Variants in PATJ observed in about 807,000 individuals in gnomAD.
PATJ encodes the protein PATJ crumbs cell polarity complex component.
Under a neutral mutation model 224.9 loss-of-function variants are expected in PATJ, and 190 were observed. The observed-to-expected ratio is 0.84, with a 90% CI of 0.75 to 0.95. The LOEUF (loss-of-function observed/expected upper bound fraction) is 0.95, where lower values mean the gene tolerates loss of function less well. Among genes scored for constraint, PATJ ranks in the 40% least tolerant of loss-of-function variants. PATJ has a pLI of 0.00. For missense variants in PATJ, 2,121 were observed against 2,270.3 expected, an observed-to-expected ratio of 0.93 and a Z score of 1.34; for synonymous variants, 769 against 820.3, an observed-to-expected ratio of 0.94 and a Z score of 1.07.
chr1:61,747,150 C>T (rs12408292), intron 1 of PATJ, among the ~76,000 whole-genome samples: 57,417 of 151,966 alleles, frequency 0.38, 11,212 homozygotes, highest in South Asian at 0.5. Flanking sequence ...TTTTGAGAAA[C>T]GGGACCAATC....
chr1:61,839,373 A>C (rs1660721624), intron 17 of PATJ, among the ~76,000 whole-genome samples: 1 of 152,110 alleles, frequency 6.6e-6, no homozygotes, highest in South Asian at 2.1e-4. Context: ...TAGTGTGCTC[A>C]TATGCATTGT....
intron 43 of PATJ, among the ~76,000 whole-genome samples, chr1:62,159,783 A>G (rs1374545229): frequency 4.0e-5 from 6 of 151,794 alleles, no homozygotes; most frequent in African/African-American, 1.5e-4. Context: ...AGCTCAAGCA[A>G]TCCTCTCGCC....
chr1:62,136,319 G>T (rs562985724), intron 41 of PATJ, among the ~76,000 whole-genome samples: 3 of 151,746 alleles, frequency 2.0e-5, no homozygotes, highest in Non-Finnish European at 4.4e-5. Context: ...GGTGTGAGCC[G>T]CCACGCCCAG....
In PATJ at chr1:61,809,457, G is replaced by A. The variant is rs567242953; in HGVS notation, c.1683+927G>A. 3.2e-4 allele frequency among the ~76,000 whole-genome samples: 47 copies of A among 144,734 alleles called. 1 individual carries two copies. The highest frequency in any genetic ancestry group is 1.2e-3 in the African/African-American group (45 of 38,988). The allele number at this position is 144,734 out of a possible 152,430, so 95.0% of individuals were successfully genotyped here. On this transcript the variant is annotated intron_variant, in intron 14 of 43. Transcript: ENST00000642238. Reference sequence around the variant, plus strand: ...GGCTGGAGTGCAGTGGCACAATCTTGGCTCACCGCAACCTCTGCCTCCCGG... The same window carrying A: ...GGCTGGAGTGCAGTGGCACAATCTTAGCTCACCGCAACCTCTGCCTCCCGG...
intron 41 of PATJ, among the ~76,000 whole-genome samples, chr1:62,145,971 C>T (rs200694423): frequency 6.6e-6 from 1 of 151,770 alleles, no homozygotes; most frequent in African/African-American, 2.4e-5. Flanking sequence ...AATAAATAAA[C>T]AAATAAATAA....
intron 28 of PATJ, chr1:62,013,451 C>T (rs1427747004): frequency 4.1e-6 from 4 of 985,250 alleles, no homozygotes; most frequent in Non-Finnish European, 4.8e-6. Context: ...GGCCACTATG[C>T]ACAAGCTATG....
At chr1:62,145,641 C>T (rs1441985865) in intron 41 of PATJ, among the ~76,000 whole-genome samples, 1 of 151,932 alleles carries the variant, frequency 6.6e-6, no homozygotes, top group East Asian at 1.9e-4. Flanking sequence ...GCCTGGGTGA[C>T]AGAGCAAGTC....
intron 6 of PATJ, 108 bp downstream of exon 6, chr1:61,771,734 T>C (rs1646623867): frequency 1.1e-6 from 1 of 875,344 alleles, no homozygotes; most frequent in Non-Finnish European, 1.7e-6. Context: ...CTTTTTTTTT[T>C]TTGAGATGGA....
intron 1 of PATJ, among the ~76,000 whole-genome samples, chr1:61,752,041 G>A (rs993550352): frequency 4.6e-5 from 7 of 151,148 alleles, no homozygotes; most frequent in African/African-American, 1.7e-4. Flanking sequence ...AGGAAGTTGA[G>A]GCAGGAGAAT....
At chr1:62,065,401 A>G (rs1252280127) in intron 31 of PATJ, among the ~76,000 whole-genome samples, 1 of 152,166 alleles carries the variant, frequency 6.6e-6, no homozygotes, top group African/African-American at 2.4e-5. Context: ...ACCTGATTTC[A>G]GGAGTTTGAG....
intron 22 of PATJ, among the ~76,000 whole-genome samples, chr1:61,896,229 G>A (rs1316442937): frequency 6.6e-6 from 1 of 151,740 alleles, no homozygotes; most frequent in East Asian, 1.9e-4. Flanking sequence ...CTGGGAGGTG[G>A]AGGTTGCAAT....
At chr1:62,159,304 G>A (rs887552670) in intron 43 of PATJ, among the ~76,000 whole-genome samples, 2 of 152,092 alleles carry the variant, frequency 1.3e-5, no homozygotes, top group Admixed American at 6.6e-5. Flanking sequence ...TGATTCTCCA[G>A]CCTCAGCCTC....
intron 27 of PATJ, chr1:61,952,159 C>G: frequency 4.3e-6 from 2 of 468,600 alleles, no homozygotes; most frequent in Non-Finnish European, 7.7e-6. Flanking sequence ...ACAGAGGTGA[C>G]TGTTTAGCTT....
intron 28 of PATJ, 103 bp from the exon 29 acceptor site, chr1:62,017,739 AAAAAAAAAGAAAAG>A: frequency 3.5e-6 from 2 of 567,140 alleles, no homozygotes; most frequent in Non-Finnish European, 6.1e-6. Context: ...CAAAAAAAAA[AAAAAAAAAGAAAAG>A]AAAAGAAAAG....
At chr1:61,963,621 G>C (rs1681644588) in intron 27 of PATJ, among the ~76,000 whole-genome samples, 2 of 151,928 alleles carry the variant, frequency 1.3e-5, no homozygotes, top group South Asian at 4.2e-4. Context: ...AAACCATCAG[G>C]AGGAAAAAAT....
intron 39 of PATJ, among the ~76,000 whole-genome samples, chr1:62,123,679 G>A (rs191101613): frequency 1.4e-4 from 21 of 149,004 alleles, no homozygotes; most frequent in African/African-American, 4.2e-4. Context: ...GGTTTTCACC[G>A]TGTTAGCCAG....
intron 27 of PATJ, among the ~76,000 whole-genome samples, chr1:61,966,928 A>G (rs1488395644): frequency 6.6e-6 from 1 of 152,144 alleles, no homozygotes; most frequent in African/African-American, 2.4e-5. Flanking sequence ...TCTCGTGGCC[A>G]TCTTGGTTCT....
Position 61,927,799 on chromosome 1 carries a change from G to A in PATJ, c.3640G>A (p.Glu1214Lys). The change falls in exon 27 of 44, where the codon GAA (glutamate) becomes AAA (lysine). Residue 1214 changes from glutamate (E) to lysine (K), a missense_variant. Physicochemically the swap from Glu to Lys is moderately conservative, Grantham distance 56. Transcript: ENST00000642238. ...PYKALTDDSD[E>K]NEEEDAFTDQ... ...TAAAGCTCTGACTGATGACAGTGATGAAAATGAAGAAGAAGATGCCTTTAC... is the reference window on the plus strand; with the variant it reads ...TAAAGCTCTGACTGATGACAGTGATAAAAATGAAGAAGAAGATGCCTTTAC... 1 of 1,613,410 alleles carries A rather than the reference G, an allele frequency of 6.2e-7. No homozygotes were observed. The highest frequency in any genetic ancestry group is 1.3e-5 in the African/African-American group (1 of 75,008).
chr1:61,805,663 G>A, intron 13 of PATJ, 139 bp downstream of exon 13: 1 of 592,594 alleles, frequency 1.7e-6, no homozygotes, highest in South Asian at 2.2e-5. Context: ...TTCCCTAGTG[G>A]ATCAATCGAT....
Sources: allele counts gnomAD v4.1 joint callset (sites outside exome capture counted in the v4.1 genomes callset), GRCh38; gene constraint gnomAD v4.1.1; transcripts MANE v1.5; gene names NCBI Gene and HGNC (gene_info 2026-07-23, HGNC 2026-07-21).